Variants in GTF2F2 observed in about 807,000 individuals in gnomAD.
The protein encoded by GTF2F2 is ATP-dependent helicase GTF2F2.
A neutral mutation model predicts 42.2 loss-of-function variants in GTF2F2; 23 were observed. The ratio of observed to expected loss-of-function variants is 0.55; its 90% confidence interval spans 0.39 to 0.77. GTF2F2 has a LOEUF of 0.77. Ranked by LOEUF, GTF2F2 falls within the 30% of genes least tolerant of loss-of-function variation. GTF2F2 has a pLI of 0.00. For missense variants in GTF2F2, 261 were observed against 287.2 expected (o/e 0.91, Z 0.66); for synonymous variants, 105 against 100.8 (o/e 1.04, Z -0.25).
chr13:45,231,187 A>T (rs1874661381), intron 5 of GTF2F2, among the ~76,000 whole-genome samples: 2 of 152,080 alleles, frequency 1.3e-5, no homozygotes, highest in Non-Finnish European at 2.9e-5. Flanking sequence ...GGCTTACTGC[A>T]ACCTCTGCCT....
chr13:45,258,212 T>A (rs560157938), intron 6 of GTF2F2, among the ~76,000 whole-genome samples: 2 of 151,946 alleles, frequency 1.3e-5, no homozygotes, highest in South Asian at 4.2e-4. Flanking sequence ...GTGTCTATGG[T>A]GGAATCAAAA....
Position 45,169,725 on chromosome 13 carries a change from C to T in GTF2F2, c.304+17894C>T, listed in dbSNP as rs1192511239. 3.3e-5 allele frequency among the ~76,000 whole-genome samples: 5 copies of T among 152,316 alleles called. No individual in the cohort carries two copies. The East Asian group carries it at 7.7e-4, about 23-fold the overall frequency. On this transcript the variant is annotated intron_variant, in intron 4 of 7. Transcript: ENST00000340473. Reference sequence around the variant, plus strand: ...CAAAGTGAACACATCCCTGTAACCACCACTCAGGTAACAAAAGAACATCGT... The same window carrying T: ...CAAAGTGAACACATCCCTGTAACCATCACTCAGGTAACAAAAGAACATCGT...
At chr13:45,240,966 C>A (rs1875265376) in intron 5 of GTF2F2, among the ~76,000 whole-genome samples, 2 of 143,340 alleles carry the variant, frequency 1.4e-5, no homozygotes, top group Admixed American at 1.4e-4. Context: ...TGGCAAAACC[C>A]TGTTATTACA....
Position 45,194,589 on chromosome 13 carries a change from C to G in GTF2F2, c.305-12835C>G, listed in dbSNP as rs753181440. The G allele has an allele frequency of 6.9e-6, 11 of 1,590,240 alleles. No homozygotes were observed. The Admixed American group carries it at 1.8e-4, about 26-fold the overall frequency. On this transcript the variant is annotated intron_variant, in intron 4 of 7. Transcript: ENST00000340473. ...CCATTTTTTGAAGATGCTATTTCAGCTTGTTCTTCTTGGCTTTGAGATTTT... is the reference window on the plus strand; with the variant it reads ...CCATTTTTTGAAGATGCTATTTCAGGTTGTTCTTCTTGGCTTTGAGATTTT...
intron 5 of GTF2F2, among the ~76,000 whole-genome samples, chr13:45,245,956 A>G (rs1293173651): frequency 1.3e-5 from 2 of 148,610 alleles, no homozygotes; most frequent in African/African-American, 4.9e-5. Context: ...AAAAAAAAAA[A>G]GTATTCCCTT....
intron 4 of GTF2F2, among the ~76,000 whole-genome samples, chr13:45,189,297 C>A (rs537199638): frequency 6.6e-6 from 1 of 152,204 alleles, no homozygotes; most frequent in African/African-American, 2.4e-5. Flanking sequence ...TTTATCCAAT[C>A]TGTTATGATG....
intron 7 of GTF2F2, among the ~76,000 whole-genome samples, chr13:45,276,612 A>T (rs892844618): frequency 1.9e-4 from 29 of 151,292 alleles, no homozygotes; most frequent in African/African-American, 6.8e-4. Flanking sequence ...AATCTTTTGT[A>T]TTTTTTTTAG....
intron 5 of GTF2F2, among the ~76,000 whole-genome samples, chr13:45,245,991 A>G (rs1566149599): frequency 7.1e-6 from 1 of 140,892 alleles, no homozygotes; most frequent in Non-Finnish European, 1.5e-5. Flanking sequence ...GCCAACATCT[A>G]TTATTTATTT....
chr13:45,278,615 A>G (rs549054363), intron 7 of GTF2F2, among the ~76,000 whole-genome samples: 58 of 152,116 alleles, frequency 3.8e-4, no homozygotes, highest in Non-Finnish European at 6.2e-4. Context: ...TCAGTGTTTA[A>G]GTAAGAGGAG....
At chr13:45,204,447 G>A (rs943969421) in intron 4 of GTF2F2, among the ~76,000 whole-genome samples, 1 of 152,036 alleles carries the variant, frequency 6.6e-6, no homozygotes, top group African/African-American at 2.4e-5. Flanking sequence ...TTTTAAACTG[G>A]GTCAACAAAC....
chr13:45,189,523 T>C (rs1025275291), intron 4 of GTF2F2, among the ~76,000 whole-genome samples: 1 of 152,208 alleles, frequency 6.6e-6, no homozygotes, highest in South Asian at 2.1e-4. Context: ...CCACCAACAG[T>C]GTAAAAGCAT....
intron 7 of GTF2F2, among the ~76,000 whole-genome samples, chr13:45,272,848 T>C (rs1333784542): frequency 1.3e-5 from 2 of 150,814 alleles, no homozygotes; most frequent in African/African-American, 2.4e-5. Context: ...CTTCAATCTT[T>C]GGACCCAAGC....
intron 1 of GTF2F2, among the ~76,000 whole-genome samples, chr13:45,129,271 C>T (rs767586197): frequency 1.2e-4 from 18 of 152,300 alleles, no homozygotes; most frequent in Non-Finnish European, 2.4e-4. Flanking sequence ...TGCAGTGGCA[C>T]GATCATGGTT....
chr13:45,151,699 T>C lies in GTF2F2; in HGVS notation c.172T>C (p.Leu58=). The C allele has an allele frequency of 1.9e-6, 3 of 1,605,658 alleles. No individual in the cohort carries two copies. Among genetic ancestry groups the C allele is most frequent in the Non-Finnish European group, 2.6e-6 (3 of 1,173,128 alleles). The stretch of plus-strand genomic sequence containing the variant: ...ATGTGTCTATTAGGTGTCATTTACT[T>C]TGAATGAGGATCTTGCAAATATTCA... ...TQGRTEVSFT[L]NEDLANIHDI... is the part of the protein sequence containing the mutation. Residue 58 remains leucine (L), a synonymous_variant, in exon 4 of 8, where the codon TTG becomes CTG. Coordinates refer to ENST00000340473, the MANE Select transcript of GTF2F2 (RefSeq NM_004128.3).
intron 6 of GTF2F2, among the ~76,000 whole-genome samples, chr13:45,256,054 T>A (rs1876091942): frequency 6.6e-6 from 1 of 152,234 alleles, no homozygotes; most frequent in Non-Finnish European, 1.5e-5. Context: ...TGGAAACAAG[T>A]GTCCCAAATT....
Position 45,279,032 on chromosome 13 carries a change from C to T in GTF2F2, c.631-4410C>T, listed in dbSNP as rs915686954. The stretch of plus-strand genomic sequence containing the variant: ...AGAGACGAGGTTTCTCCATGTTGGC[C>T]GGCTGGTCTTGAATTCCTGACCTCA... On this transcript the variant is annotated intron_variant, in intron 7 of 7. Coordinates refer to ENST00000340473, the MANE Select transcript of GTF2F2 (RefSeq NM_004128.3). Among the ~76,000 whole-genome samples the T allele has an allele frequency of 4.3e-4, 65 of 151,880 alleles. 1 individual carries two copies. The highest frequency in any genetic ancestry group is 1.1e-3 in the African/African-American group (47 of 41,400).
intron 4 of GTF2F2, among the ~76,000 whole-genome samples, chr13:45,198,144 A>G (rs1872995973): frequency 6.6e-6 from 1 of 152,238 alleles, no homozygotes; most frequent in Non-Finnish European, 1.5e-5. Context: ...ATTGGGTCCA[A>G]TGCCTAACTA....
At chr13:45,170,188 T>C (rs1471499706) in intron 4 of GTF2F2, among the ~76,000 whole-genome samples, 1 of 152,192 alleles carries the variant, frequency 6.6e-6, no homozygotes, top group Non-Finnish European at 1.5e-5. Context: ...CACACCCAGC[T>C]AATTTTTTAA....
chr13:45,204,982 A>G (rs1873354141), intron 4 of GTF2F2, among the ~76,000 whole-genome samples: 1 of 152,184 alleles, frequency 6.6e-6, no homozygotes, highest in Non-Finnish European at 1.5e-5. Flanking sequence ...TGTGGACCTG[A>G]TTTCTACCCT....
Sources: allele counts gnomAD v4.1 joint callset (sites outside exome capture counted in the v4.1 genomes callset), GRCh38; gene constraint gnomAD v4.1.1; transcripts MANE v1.5; gene names NCBI Gene and HGNC (gene_info 2026-07-23, HGNC 2026-07-21).